The following LRP12 variants were observed in gnomAD, a reference collection of about 807,000 sequenced individuals.
The protein encoded by LRP12 is LDL receptor related protein 12.
LRP12 carries 14 observed loss-of-function variants against 66.0 expected under a neutral mutation model. The observed-to-expected ratio is 0.21, with a 90% CI of 0.14 to 0.33. LRP12 has a LOEUF of 0.33. LRP12 is among the 10% of genes least tolerant of loss of function. The pLI is 1.00. For synonymous variants in LRP12, 357 were observed against 359.1 expected, an observed-to-expected ratio of 0.99 and a Z score of 0.07; for missense variants, 889 against 1,053.4, an observed-to-expected ratio of 0.84 and a Z score of 2.16.
chr8:104,563,941 T>G (rs949235494), intron 1 of LRP12, among the ~76,000 whole-genome samples: 1 of 152,116 alleles, frequency 6.6e-6, no homozygotes, highest in African/African-American at 2.4e-5. Context: ...AAAAACACAA[T>G]GATTAGAATG....
At chr8:104,583,767 A>C (rs1488104362) in intron 1 of LRP12, among the ~76,000 whole-genome samples, 2 of 152,198 alleles carry the variant, frequency 1.3e-5, no homozygotes, top group Non-Finnish European at 2.9e-5. Context: ...GTTCTCTTCC[A>C]TAAAACAAAA....
chr8:104,528,964 AC>A (rs1811286812), intron 2 of LRP12, among the ~76,000 whole-genome samples: 1 of 152,314 alleles, frequency 6.6e-6, no homozygotes, highest in South Asian at 2.1e-4. Context: ...GGTTTTACTC[AC>A]TTCTGAAATG....
At chr8:104,512,738 C>T (rs1162325397) in intron 2 of LRP12, among the ~76,000 whole-genome samples, 2 of 152,038 alleles carry the variant, frequency 1.3e-5, no homozygotes, top group Non-Finnish European at 2.9e-5. Context: ...AGGTGGTGCT[C>T]TTATACCAAT....
chr8:104,508,847 T>C (rs1810946428), intron 3 of LRP12, 92 bp downstream of exon 3: 10 of 1,206,376 alleles, frequency 8.3e-6, no homozygotes, highest in Admixed American at 2.4e-5. Context: ...AAAAGCCTTC[T>C]TTTTATATTA....
chr8:104,581,059 TA>T (rs1182419816), intron 1 of LRP12, among the ~76,000 whole-genome samples: 1 of 152,166 alleles, frequency 6.6e-6, no homozygotes, highest in Non-Finnish European at 1.5e-5. Flanking sequence ...ACAGACTGGA[TA>T]AAGAAAACGT....
intron 6 of LRP12, among the ~76,000 whole-genome samples, chr8:104,493,006 GTGC>G (rs1355395292): frequency 6.6e-6 from 1 of 152,108 alleles, no homozygotes; most frequent in Non-Finnish European, 1.5e-5. Context: ...ATCCTCTGTT[GTGC>G]TGCTATTAGC....
At chr8:104,494,158 T>C (rs753881622) in intron 6 of LRP12, among the ~76,000 whole-genome samples, 13 of 151,216 alleles carry the variant, frequency 8.6e-5, no homozygotes, top group Admixed American at 2.6e-4. Context: ...GATTCTTACC[T>C]AAAAAAAAAC....
intron 3 of LRP12, chr8:104,506,343 T>G (rs1329707682): frequency 6.6e-6 from 1 of 152,194 alleles, no homozygotes; most frequent in African/African-American, 2.4e-5. Flanking sequence ...GGAGTAAATT[T>G]GAGTTCCAAC....
rs1810587581 is a variant in LRP12 at position 104,489,717 on chromosome 8, ATATATAGT to A, written c.*948_*955del. 6.6e-6 allele frequency: 1 copy of A among 152,240 alleles called. No individual in the cohort carries two copies. The allele number at this position is 152,240 out of a possible 1,614,324, so 9.4% of individuals were successfully genotyped here. On this transcript the variant is annotated 3_prime_UTR_variant, in exon 7 of 7. Coordinates refer to ENST00000276654, the MANE Select transcript of LRP12 (RefSeq NM_013437.5). Reference sequence around the variant, plus strand: ...CCGCCCCCAGCCAAAAGCTATGGAAATATATAGTTGCTGTGGTAGCAAATAATAGTATT... The same window carrying A: ...CCGCCCCCAGCCAAAAGCTATGGAAATGCTGTGGTAGCAAATAATAGTATT...
At chr8:104,576,038 C>A (rs891690851) in intron 1 of LRP12, among the ~76,000 whole-genome samples, 1 of 151,922 alleles carries the variant, frequency 6.6e-6, no homozygotes, top group East Asian at 1.9e-4. Context: ...TGAAGACTGG[C>A]GTTCTGAAAC....
In LRP12 at chr8:104,550,549, T is replaced by C. The variant is rs139650948; in HGVS notation, c.80-18586A>G. Among the ~76,000 whole-genome samples the C allele has an allele frequency of 5.9e-3, 903 of 152,310 alleles. 11 individuals carry two copies. Among genetic ancestry groups the C allele is most frequent in the African/African-American group, 0.02 (849 of 41,568 alleles). On this transcript the variant is annotated intron_variant, in intron 1 of 6. Transcript: ENST00000276654. ...AGTCTGCTCTTCCTCTTATATTCCTTACCTTGGTGAATGACACCAGCATCT... is the reference window on the plus strand; with the variant it reads ...AGTCTGCTCTTCCTCTTATATTCCTCACCTTGGTGAATGACACCAGCATCT...
chr8:104,577,330 C>A (rs1812179746), intron 1 of LRP12, among the ~76,000 whole-genome samples: 1 of 152,078 alleles, frequency 6.6e-6, no homozygotes, highest in African/African-American at 2.4e-5. Context: ...TAATCAGAAG[C>A]AAAACACTCC....
chr8:104,531,892 C>T lies in LRP12; in HGVS notation c.136+15G>A, dbSNP rs969131014. 1.3e-6 allele frequency: 2 copies of T among 1,554,238 alleles called. No individual in the cohort carries two copies. The highest frequency in any genetic ancestry group is 1.2e-5 in the South Asian group (1 of 84,082). On this transcript the variant is annotated intron_variant, in intron 2 of 6. Coordinates refer to ENST00000276654, the MANE Select transcript of LRP12 (RefSeq NM_013437.5). ...AGTCATGCATGAAATTTAAACATTA[C>T]AAAAAATGACTTACCAGTTGACACT...
At chr8:104,512,897 A>G (rs920576824) in intron 2 of LRP12, among the ~76,000 whole-genome samples, 1 of 152,210 alleles carries the variant, frequency 6.6e-6, no homozygotes, top group Non-Finnish European at 1.5e-5. Context: ...ATGTACTTTT[A>G]TAACATTATT....
chr8:104,581,071 G>A (rs372927395), intron 1 of LRP12, among the ~76,000 whole-genome samples: 70 of 152,112 alleles, frequency 4.6e-4, no homozygotes, highest in African/African-American at 1.7e-3. Flanking sequence ...AAGAAAACGT[G>A]GTACACATAT....
intron 1 of LRP12, among the ~76,000 whole-genome samples, chr8:104,571,185 T>G (rs1358943215): frequency 6.6e-6 from 1 of 152,152 alleles, no homozygotes; most frequent in Non-Finnish European, 1.5e-5. Context: ...CATGTATGTG[T>G]AACTTAGGAC....
intron 1 of LRP12, among the ~76,000 whole-genome samples, chr8:104,535,220 C>T (rs1289307757): frequency 6.6e-6 from 1 of 151,910 alleles, no homozygotes; most frequent in African/African-American, 2.4e-5. Context: ...AGTAATCAAC[C>T]AACCCCATTT....
intron 3 of LRP12, chr8:104,507,009 T>C (rs1285069008): frequency 6.6e-6 from 1 of 152,192 alleles, no homozygotes; most frequent in Non-Finnish European, 1.5e-5. Flanking sequence ...CTGTGTACAC[T>C]AGATAATCAT....
intron 1 of LRP12, among the ~76,000 whole-genome samples, chr8:104,548,193 TAA>T (rs1811639052): frequency 2.7e-5 from 2 of 73,912 alleles, no homozygotes; most frequent in African/African-American, 8.2e-5. Flanking sequence ...AATATATATA[TAA>T]ATATATGATA....
Sources: gnomAD v4.1 joint callset for allele counts (sites outside exome capture counted in the v4.1 genomes callset) on GRCh38, gnomAD v4.1.1 for gene constraint, MANE v1.5 for transcripts, NCBI Gene and HGNC (gene_info 2026-07-23, HGNC 2026-07-21) for gene names.